The following GLI2 variants were observed in gnomAD, a reference collection of about 807,000 sequenced individuals.
GLI2 encodes the protein GLI family zinc finger 2.
A neutral mutation model predicts 78.9 loss-of-function variants in GLI2; 22 were observed. The observed-to-expected ratio is 0.28, with a 90% CI of 0.20 to 0.40. The LOEUF (loss-of-function observed/expected upper bound fraction) is 0.40. Among genes scored for constraint, GLI2 ranks in the 10% least tolerant of loss-of-function variants. GLI2 has a pLI of 1.00. For missense variants in GLI2, 2,097 were observed against 2,213.2 expected (o/e 0.95, Z 1.05); for synonymous variants, 974 against 963.7 (o/e 1.01, Z -0.20).
chr2:120,793,898 G>A (rs1684262278), intron 1 of GLI2, among the ~76,000 whole-genome samples: 1 of 152,210 alleles, frequency 6.6e-6, no homozygotes, highest in South Asian at 2.1e-4. Context: ...GAGTGGCCTT[G>A]GGCAGCTCAC....
intron 2 of GLI2, among the ~76,000 whole-genome samples, chr2:120,879,063 C>T (rs1269757693): frequency 6.6e-6 from 1 of 152,128 alleles, no homozygotes; most frequent in East Asian, 1.9e-4. Context: ...CCGGCATTGC[C>T]CCGTGGGGTT....
intron 3 of GLI2, among the ~76,000 whole-genome samples, chr2:120,947,178 A>C (rs1476514836): frequency 1.3e-5 from 2 of 152,116 alleles, no homozygotes; most frequent in Admixed American, 1.3e-4. Flanking sequence ...CCTGCTTACC[A>C]CCAACCAGTG....
At chr2:120,845,015 A>G (rs1363884681) in intron 2 of GLI2, among the ~76,000 whole-genome samples, 2 of 152,036 alleles carry the variant, frequency 1.3e-5, no homozygotes, top group African/African-American at 2.4e-5. Context: ...GCTCATATCT[A>G]TAATCCCAGC....
At chr2:120,810,091 G>T (rs1348619808) in intron 2 of GLI2, among the ~76,000 whole-genome samples, 6 of 152,244 alleles carry the variant, frequency 3.9e-5, no homozygotes, top group African/African-American at 7.2e-5. Context: ...TACTCTGCTG[G>T]GGGGAGCCAG....
intron 1 of GLI2, among the ~76,000 whole-genome samples, chr2:120,764,361 G>A (rs1036579684): frequency 5.9e-5 from 9 of 152,316 alleles, no homozygotes; most frequent in East Asian, 3.9e-4. Context: ...TTCTTGACAC[G>A]CTTGTGAGAT....
At position 120,920,624 on chromosome 2, in the gene GLI2, C is replaced by G. The variant is rs184714461; in HGVS notation, c.149-6737C>G. On this transcript the variant is annotated intron_variant, in intron 2 of 13. Coordinates refer to ENST00000361492, the MANE Select transcript of GLI2 (RefSeq NM_001374353.1). ...GTTGAAACTGCAGCGTAGAAAAGTTCCAGGATTTTAAAGAAAAAGCCGTCA... is the reference window on the plus strand; with the variant it reads ...GTTGAAACTGCAGCGTAGAAAAGTTGCAGGATTTTAAAGAAAAAGCCGTCA... Among the ~76,000 whole-genome samples the G allele has an allele frequency of 2.2e-3, 340 of 152,262 alleles. 1 individual carries two copies. The highest frequency in any genetic ancestry group is 7.9e-3 in the African/African-American group (330 of 41,554).
At chr2:120,779,162 A>C (rs1043385121) in intron 1 of GLI2, among the ~76,000 whole-genome samples, 2 of 152,222 alleles carry the variant, frequency 1.3e-5, no homozygotes, top group Admixed American at 1.3e-4. Flanking sequence ...GCATCAGCTC[A>C]TGTGAAACAT....
intron 2 of GLI2, among the ~76,000 whole-genome samples, chr2:120,924,820 G>T (rs906114541): frequency 3.3e-5 from 5 of 152,188 alleles, no homozygotes; most frequent in Admixed American, 6.5e-5. Context: ...GACTTTGGAG[G>T]CTCCAAACAT....
intron 2 of GLI2, among the ~76,000 whole-genome samples, chr2:120,805,843 AGT>A (rs1257135925): frequency 6.6e-6 from 1 of 152,258 alleles, no homozygotes; most frequent in Non-Finnish European, 1.5e-5. Flanking sequence ...CTTTGATGTC[AGT>A]GCATAGTTTA....
chr2:120,924,588 G>A (rs1679569008), intron 2 of GLI2, among the ~76,000 whole-genome samples: 1 of 151,494 alleles, frequency 6.6e-6, no homozygotes, highest in South Asian at 2.1e-4. Context: ...TTTTTATTTT[G>A]TTGGCAAAAT....
chr2:120,958,101 GC>G (rs1348429865), intron 5 of GLI2, among the ~76,000 whole-genome samples: 2 of 152,184 alleles, frequency 1.3e-5, no homozygotes, highest in African/African-American at 4.8e-5. Context: ...CCTGGGTCAG[GC>G]CTGGCTGCAC....
intron 1 of GLI2, among the ~76,000 whole-genome samples, chr2:120,782,355 CT>C (rs1429540109): frequency 6.6e-6 from 1 of 152,202 alleles, no homozygotes; most frequent in Non-Finnish European, 1.5e-5. Context: ...CCAGAAACCC[CT>C]GAGCAGGCCT....
intron 2 of GLI2, among the ~76,000 whole-genome samples, chr2:120,923,733 A>G (rs1381646414): frequency 6.6e-6 from 1 of 152,026 alleles, no homozygotes; most frequent in East Asian, 1.9e-4. Flanking sequence ...CACACGACAC[A>G]CTACACACAT....
chr2:120,895,938 A>G (rs753296156), intron 2 of GLI2, among the ~76,000 whole-genome samples: 2 of 152,084 alleles, frequency 1.3e-5, no homozygotes, highest in African/African-American at 4.8e-5. Context: ...CATTAGAGCT[A>G]TTTCTTGCTC....
intron 2 of GLI2, among the ~76,000 whole-genome samples, chr2:120,904,162 C>T (rs1046354637): frequency 1.3e-5 from 2 of 152,046 alleles, no homozygotes; most frequent in African/African-American, 4.8e-5. Context: ...AGGATGGAGA[C>T]CCCTGAGTTC....
chr2:120,918,734 C>T (rs1679223280), intron 2 of GLI2, among the ~76,000 whole-genome samples: 2 of 152,240 alleles, frequency 1.3e-5, no homozygotes, highest in Admixed American at 1.3e-4. Context: ...AGCCACTGCG[C>T]CCAGCCCACC....
rs551338109 is a variant in GLI2 at position 120,758,237 on chromosome 2, A to G, written c.-31+21952A>G. Among the ~76,000 whole-genome samples the G allele has an allele frequency of 7.9e-5, 12 of 152,052 alleles. No individual in the cohort carries two copies. In the East Asian group the frequency reaches 2.1e-3, roughly 27 times the overall value. On this transcript the variant is annotated intron_variant, in intron 1 of 13. Coordinates refer to ENST00000361492, the MANE Select transcript of GLI2 (RefSeq NM_001374353.1). ...TGTGTGGGCTGGAGGTTTGCATTTT[A>G]CTCCTAGCACCACACACAATCTCAG... is the stretch of plus-strand genomic sequence containing the variant.
chr2:120,879,428 A>C (rs899231922), intron 2 of GLI2, among the ~76,000 whole-genome samples: 8 of 152,146 alleles, frequency 5.3e-5, no homozygotes, highest in African/African-American at 1.9e-4. Flanking sequence ...GGTGGATTGG[A>C]GGGAGCCCCA....
intron 9 of GLI2, among the ~76,000 whole-genome samples, chr2:120,977,344 A>C (rs567706826): frequency 6.6e-6 from 1 of 152,390 alleles, no homozygotes; most frequent in African/African-American, 2.4e-5. Flanking sequence ...AATATATCTG[A>C]AATATCATTT....
Sources: allele counts gnomAD v4.1 joint callset (sites outside exome capture counted in the v4.1 genomes callset), GRCh38; gene constraint gnomAD v4.1.1; transcripts MANE v1.5; gene names NCBI Gene and HGNC (gene_info 2026-07-23, HGNC 2026-07-21).